Variants in NRG1 observed in about 807,000 individuals in gnomAD.
NRG1 encodes the protein neuregulin 1, also known as pro-neuregulin-1, membrane-bound isoform.
A neutral mutation model predicts 63.8 loss-of-function variants in NRG1; 18 were observed. The ratio of observed to expected loss-of-function variants is 0.28; its 90% CI spans 0.19 to 0.42. NRG1 has a LOEUF of 0.42. Ranked by LOEUF, NRG1 falls within the 10% of genes least tolerant of loss-of-function variation. The pLI is 1.00. For missense variants in NRG1, 762 were observed against 814.7 expected (o/e 0.94, Z 0.79); for synonymous variants, 302 against 301.3 (o/e 1.00, Z -0.02).
chr8:31,752,640 C>A (rs972060032), intron 1 of NRG1, among the ~76,000 whole-genome samples: 1 of 151,880 alleles, frequency 6.6e-6, no homozygotes, highest in African/African-American at 2.4e-5. Flanking sequence ...GATTGAAAAT[C>A]GGGATGTGAG....
rs1811472458 is a variant in NRG1 at position 31,709,118 on chromosome 8, C to T, written c.37+69687C>T. On this transcript the variant is annotated intron_variant, in intron 1 of 10. Transcript: ENST00000519301. Reference sequence around the variant, plus strand: ...AAAAGTGGATTTTTGGAGTTCAGACCCATGTTGTTCAAGGTTCAACTGTAG... The same window carrying T: ...AAAAGTGGATTTTTGGAGTTCAGACTCATGTTGTTCAAGGTTCAACTGTAG... Among the ~76,000 whole-genome samples, 5 of 150,772 alleles carry T rather than the reference C, an allele frequency of 3.3e-5. No individual in the cohort carries two copies. In the South Asian group the frequency reaches 8.4e-4, roughly 25 times the overall value.
intron 1 of NRG1, among the ~76,000 whole-genome samples, chr8:31,979,234 G>T (rs1359193730): frequency 6.6e-5 from 10 of 152,040 alleles, no homozygotes; most frequent in Admixed American, 6.6e-4. Flanking sequence ...ATTCTCTATG[G>T]GTTAACCCAG....
chr8:32,714,003 T>G (rs1818524681), intron 5 of NRG1, among the ~76,000 whole-genome samples: 1 of 151,916 alleles, frequency 6.6e-6, no homozygotes, highest in Admixed American at 6.6e-5. Flanking sequence ...TTTTGTATTT[T>G]TGGTAGAGAC....
chr8:32,744,331 C>T (rs942919706), intron 7 of NRG1, among the ~76,000 whole-genome samples: 1 of 152,058 alleles, frequency 6.6e-6, no homozygotes, highest in Admixed American at 6.6e-5. Context: ...AGGCCATTTT[C>T]TGTTGTGAAA....
In NRG1 at chr8:32,597,384, C is replaced by T. The variant is rs1205820513; in HGVS notation, c.278+1379C>T. On this transcript the variant is annotated intron_variant, in intron 2 of 11. Coordinates refer to ENST00000356819, the Ensembl canonical transcript of NRG1. ...CTAGTTTCTGTGGTTTTATTAGCTA[C>T]ATACTTTATTAACTACACGTTGACT... 2.6e-5 allele frequency among the ~76,000 whole-genome samples: 4 copies of T among 152,236 alleles called. No homozygotes were observed. The East Asian group carries it at 7.7e-4, about 29-fold the overall frequency.
At chr8:32,696,585 T>C (rs555505837) in intron 5 of NRG1, among the ~76,000 whole-genome samples, 1 of 152,182 alleles carries the variant, frequency 6.6e-6, no homozygotes, top group African/African-American at 2.4e-5. Context: ...TTTTCACAAG[T>C]TAATTGAAGA....
intron 5 of NRG1, among the ~76,000 whole-genome samples, chr8:32,712,078 A>G (rs1195621533): frequency 6.6e-6 from 1 of 152,158 alleles, no homozygotes; most frequent in African/African-American, 2.4e-5. Flanking sequence ...CCTTGAGCCA[A>G]TAATGACTTT....
chr8:32,429,499 G>C (rs754452420), intron 1 of NRG1, among the ~76,000 whole-genome samples: 8 of 152,064 alleles, frequency 5.3e-5, no homozygotes, highest in Non-Finnish European at 1.2e-4. Context: ...AGTAACTTAC[G>C]CAAATATGTA....
chr8:32,409,622 A>T (rs1814603521), intron 1 of NRG1, among the ~76,000 whole-genome samples: 1 of 152,222 alleles, frequency 6.6e-6, no homozygotes, highest in African/African-American at 2.4e-5. Context: ...GAGCAGGCAC[A>T]GTTAATGGAA....
intron 1 of NRG1, among the ~76,000 whole-genome samples, chr8:32,173,809 C>T (rs368854172): frequency 1.3e-5 from 2 of 152,144 alleles, no homozygotes; most frequent in East Asian, 1.9e-4. Flanking sequence ...AATATATATG[C>T]ACCCAATACA....
At chr8:31,828,127 T>C (rs1824752881) in intron 1 of NRG1, among the ~76,000 whole-genome samples, 1 of 152,240 alleles carries the variant, frequency 6.6e-6, no homozygotes, top group Non-Finnish European at 1.5e-5. Flanking sequence ...TTCACAGATA[T>C]TTTGAAAGAC....
chr8:32,221,377 ACCT>A (rs1845798881), intron 1 of NRG1, among the ~76,000 whole-genome samples: 1 of 152,092 alleles, frequency 6.6e-6, no homozygotes, highest in Non-Finnish European at 1.5e-5. Flanking sequence ...TAGAGAGTTA[ACCT>A]CCTCCAGGTA....
chr8:32,749,395 C>A, intron 7 of NRG1: 1 of 718,732 alleles, frequency 1.4e-6, no homozygotes, highest in Non-Finnish European at 2.5e-6. Flanking sequence ...CTCACAGAGG[C>A]GTACCTGAGC....
rs367612601 is a variant in NRG1 at position 32,485,985 on chromosome 8, T to G, written c.38-109843T>G. On this transcript the variant is annotated intron_variant, in intron 1 of 10. Transcript: ENST00000519301. ...TCTTATTGCCCAGGTTGGAGTGCAA[T>G]GGAGTGATCTCAGCTCACTGCAACC... Among the ~76,000 whole-genome samples the G allele has an allele frequency of 1.5e-3, 226 of 152,290 alleles. 1 individual carries two copies. Among genetic ancestry groups the G allele is most frequent in the African/African-American group, 5.0e-3 (206 of 41,552 alleles).
At chr8:32,083,568 A>G (rs545404544) in intron 1 of NRG1, among the ~76,000 whole-genome samples, 4 of 152,146 alleles carry the variant, frequency 2.6e-5, no homozygotes, top group African/African-American at 9.6e-5. Context: ...CTAGTTTTCA[A>G]TTCCCAGGAT....
At chr8:32,648,142 C>T in intron 5 of NRG1, 1 of 1,614,186 alleles carries the variant, frequency 6.2e-7, no homozygotes, top group Non-Finnish European at 8.5e-7. Context: ...GCATACACTT[C>T]ACCTGTCTCT....
chr8:31,818,291 C>T (rs1823649321), intron 1 of NRG1, among the ~76,000 whole-genome samples: 1 of 152,160 alleles, frequency 6.6e-6, no homozygotes, highest in South Asian at 2.1e-4. Context: ...GATGGATTCA[C>T]ATTAAAACAA....
At chr8:32,630,471 G>C (rs960149273) in intron 5 of NRG1, among the ~76,000 whole-genome samples, 1 of 152,148 alleles carries the variant, frequency 6.6e-6, no homozygotes, top group African/African-American at 2.4e-5. Context: ...TGACATTGTA[G>C]ATAAAAGGTA....
intron 1 of NRG1, among the ~76,000 whole-genome samples, chr8:32,132,723 A>G (rs1834999436): frequency 6.6e-6 from 1 of 152,104 alleles, no homozygotes; most frequent in Admixed American, 6.6e-5. Context: ...CATTAGCACA[A>G]TGGGCTGTCT....
Sources: allele counts gnomAD v4.1 joint callset (sites outside exome capture counted in the v4.1 genomes callset), GRCh38; gene constraint gnomAD v4.1.1; transcripts MANE v1.5; gene names NCBI Gene and HGNC (gene_info 2026-07-23, HGNC 2026-07-21).